The following PAX5 variants were observed in gnomAD, a reference collection of about 807,000 sequenced individuals.
PAX5 encodes the protein paired box 5.
In PAX5, 9 loss-of-function variants were observed where a neutral mutation model predicts 43.7. That is an observed-to-expected ratio of 0.21 (90% CI 0.12 to 0.36). PAX5 has a LOEUF of 0.36. Ranked by LOEUF, PAX5 falls within the 10% of genes least tolerant of loss-of-function variation. PAX5 has a pLI of 1.00. For missense variants in PAX5, 383 were observed against 532.7 expected, an observed-to-expected ratio of 0.72 and a Z score of 2.77; for synonymous variants, 228 against 214.3, an observed-to-expected ratio of 1.06 and a Z score of -0.56.
rs565825636 is a variant in PAX5, at chr9:36,882,442, C to T, written c.911-337G>A. Among the ~76,000 whole-genome samples the T allele has an allele frequency of 6.6e-6, 1 of 152,300 alleles. No homozygotes were observed. Among genetic ancestry groups the T allele is most frequent in the East Asian group, 1.9e-4 (1 of 5,174 alleles). Reference sequence around the variant, plus strand: ...ACGCCCCGACTCCAGCCAGCTCTCCCTACTCTCTACTCCCCAAGAATGGCT... The same window carrying T: ...ACGCCCCGACTCCAGCCAGCTCTCCTTACTCTCTACTCCCCAAGAATGGCT... On this transcript the variant is annotated intron_variant, in intron 7 of 9. Transcript: ENST00000358127. This position sits in a 1 kb window ranked among gnomAD's most constrained non-coding sequence, Gnocchi z 4.4.
chr9:36,942,046 C>T (rs1448662424), intron 6 of PAX5, among the ~76,000 whole-genome samples: 2 of 152,252 alleles, frequency 1.3e-5, no homozygotes, highest in Non-Finnish European at 2.9e-5. Flanking sequence ...CTCATTATCT[C>T]ATTTAATACC....
At chr9:36,966,518 A>C (rs761997341) in intron 6 of PAX5, 31 bp downstream of exon 6, 3 of 1,598,244 alleles carry the variant, frequency 1.9e-6, no homozygotes, top group Non-Finnish European at 2.6e-6. Flanking sequence ...TGGCGGTGGC[A>C]GGTGTGGTGG....
Position 36,846,913 on chromosome 9 carries a change from C to T in PAX5, c.1029G>A (p.Gly343=), listed in dbSNP as rs35469494. ...TGMVPGSEFS[G]SPYSHPQYSS... is the part of the protein sequence containing the mutation. ...AATACTGAGGGTGGCTGTAGGGACTCCCGGAAAACTCACTCCCTGTGTATG... is the reference window on the plus strand; with the variant it reads ...AATACTGAGGGTGGCTGTAGGGACTTCCGGAAAACTCACTCCCTGTGTATG... Residue 343 remains glycine, a synonymous_variant, in exon 9 of 10, where the codon GGG becomes GGA. Transcript: ENST00000358127. The T allele has an allele frequency of 0.03, 48,169 of 1,613,108 alleles. 852 individuals carry two copies. Among genetic ancestry groups the T allele is most frequent in the Middle Eastern group, 0.043 (259 of 6,062 alleles).
chr9:37,011,040 G>A (rs772047316), intron 3 of PAX5, among the ~76,000 whole-genome samples: 3 of 151,444 alleles, frequency 2.0e-5, no homozygotes, highest in Non-Finnish European at 2.9e-5. Context: ...AAGATCACCC[G>A]AGCCTGGGAG....
intron 5 of PAX5, among the ~76,000 whole-genome samples, chr9:36,988,662 CAAAAAA>C (rs139552622): frequency 5.8e-5 from 6 of 103,534 alleles, no homozygotes; most frequent in Admixed American, 1.8e-4. Context: ...GACCCTGTCT[CAAAAAA>C]AAAAAAAAAA....
chr9:37,002,828 A>T, intron 4 of PAX5, 52 bp from the exon 5 acceptor site: 1 of 1,543,376 alleles, frequency 6.5e-7, no homozygotes, highest in Non-Finnish European at 8.8e-7. Context: ...AGGGCGGCGG[A>T]CCGGCTGTCA....
At chr9:36,969,226 C>A in intron 5 of PAX5, among the ~76,000 whole-genome samples, 1 of 152,214 alleles carries the variant, frequency 6.6e-6, no homozygotes, top group East Asian at 1.9e-4. Flanking sequence ...CTGGCTCTGT[C>A]CCCAGCAGGG....
intron 9 of PAX5, among the ~76,000 whole-genome samples, chr9:36,844,237 G>T (rs1822350034): frequency 6.6e-6 from 1 of 152,156 alleles, no homozygotes; most frequent in Non-Finnish European, 1.5e-5. Flanking sequence ...TCTTTTCCTG[G>T]CTTGCTGTTG....
At chr9:36,847,674 G>A (rs1822723740) in intron 8 of PAX5, among the ~76,000 whole-genome samples, 1 of 152,200 alleles carries the variant, frequency 6.6e-6, no homozygotes, top group South Asian at 2.1e-4. Flanking sequence ...TGTGAGGTGT[G>A]CCAGGGTGTG....
intron 9 of PAX5, among the ~76,000 whole-genome samples, chr9:36,844,762 G>C (rs1418507606): frequency 2.0e-5 from 3 of 152,084 alleles, no homozygotes; most frequent in Non-Finnish European, 2.9e-5. Context: ...ATGTAGTCTA[G>C]TCCTGCCCTC....
At chr9:36,985,958 C>T (rs1836364213) in intron 5 of PAX5, among the ~76,000 whole-genome samples, 1 of 152,182 alleles carries the variant, frequency 6.6e-6, no homozygotes, top group Non-Finnish European at 1.5e-5. Context: ...CCTGCCTGTC[C>T]AACATCAAGG....
At chr9:37,011,001 G>A (rs924318960) in intron 3 of PAX5, among the ~76,000 whole-genome samples, 1 of 152,032 alleles carries the variant, frequency 6.6e-6, no homozygotes, top group African/African-American at 2.4e-5. Flanking sequence ...GGCACCTGTA[G>A]TCCTAGCTAC....
At chr9:36,876,700 CCTTT>C (rs1825941778) in intron 8 of PAX5, among the ~76,000 whole-genome samples, 1 of 152,210 alleles carries the variant, frequency 6.6e-6, no homozygotes, top group Non-Finnish European at 1.5e-5. Flanking sequence ...AAAACTGTTT[CCTTT>C]CTAAGCTGAT....
In PAX5 at chr9:36,834,738, A is replaced by T. The variant is rs75006739; in HGVS notation, c.*5822T>A. 14,198 of 232,384 alleles carry T rather than the reference A, an allele frequency of 0.061. 904 individuals are homozygous for T. The highest frequency in any genetic ancestry group is 0.17 in the African/African-American group (7,842 of 45,230). 14.4% of individuals were successfully genotyped at this position (232,384 alleles called of 1,614,324 possible). ...TTGTAAATCAAAAATCCATCATCCA[A>T]AATCACTTGTTCTTAATGATGCTTT... is the stretch of plus-strand genomic sequence containing the variant. On this transcript the variant is annotated 3_prime_UTR_variant, in exon 10 of 10. Transcript: ENST00000358127.
intron 8 of PAX5, 77 bp downstream of exon 8, chr9:36,881,927 G>T: frequency 9.6e-7 from 1 of 1,044,576 alleles, no homozygotes; most frequent in Non-Finnish European, 1.5e-6. Flanking sequence ...GGTCACCCAG[G>T]CTGTTTGGGG....
chr9:36,868,796 G>T (rs1825148602), intron 8 of PAX5, among the ~76,000 whole-genome samples: 1 of 152,102 alleles, frequency 6.6e-6, no homozygotes, highest in Non-Finnish European at 1.5e-5. Context: ...CTATCCCCCT[G>T]GCAATGCAAC....
chr9:36,876,395 T>C (rs1825914114), intron 8 of PAX5, among the ~76,000 whole-genome samples: 2 of 152,268 alleles, frequency 1.3e-5, no homozygotes, highest in African/African-American at 4.8e-5. Context: ...CACATTGTTC[T>C]GGTGGGCCAT....
chr9:36,870,274 G>A (rs908214028), intron 8 of PAX5, among the ~76,000 whole-genome samples: 7 of 152,146 alleles, frequency 4.6e-5, no homozygotes, highest in African/African-American at 1.7e-4. Context: ...TCTAGGACAC[G>A]GAGGCCCCTT....
rs1181684209 is a variant in PAX5 at position 37,027,810 on chromosome 9, C to T, written c.46+6176G>A. On this transcript the variant is annotated intron_variant, in intron 1 of 9. Coordinates refer to ENST00000358127, the MANE Select transcript of PAX5 (RefSeq NM_016734.3). Reference sequence around the variant, plus strand: ...AGAGTGGCGTCAGCCGGCCCTGGCCCGAAACACCGCCCCATTGGCTAAGCA... The same window carrying T: ...AGAGTGGCGTCAGCCGGCCCTGGCCTGAAACACCGCCCCATTGGCTAAGCA... 2.6e-5 allele frequency among the ~76,000 whole-genome samples: 4 copies of T among 152,232 alleles called. No homozygotes were observed. In the East Asian group the frequency reaches 7.7e-4, roughly 29 times the overall value.
Sources: allele counts gnomAD v4.1 joint callset (sites outside exome capture counted in the v4.1 genomes callset), GRCh38; gene constraint gnomAD v4.1.1; non-coding constraint Gnocchi (gnomAD v3.1); transcripts MANE v1.5; gene names NCBI Gene and HGNC (gene_info 2026-07-23, HGNC 2026-07-21).